Variants in PDSS2 observed in about 807,000 individuals in gnomAD.
The protein encoded by PDSS2 is decaprenyl diphosphate synthase subunit 2, also known as all trans-polyprenyl-diphosphate synthase PDSS2.
A neutral mutation model predicts 44.5 loss-of-function variants in PDSS2; 31 were observed. The observed-to-expected ratio is 0.70, with a 90% CI of 0.52 to 0.94. The LOEUF (loss-of-function observed/expected upper bound fraction) is 0.94, where lower values mean the gene tolerates loss of function less well. Among genes scored for constraint, PDSS2 ranks in the 40% least tolerant of loss-of-function variants. The pLI is 0.00. For missense variants in PDSS2, 452 were observed against 482.2 expected (o/e 0.94, Z 0.59); for synonymous variants, 157 against 180.3 (o/e 0.87, Z 1.03).
intron 6 of PDSS2, among the ~76,000 whole-genome samples, chr6:107,203,301 C>T (rs906548883): frequency 1.3e-5 from 2 of 152,202 alleles, no homozygotes; most frequent in Non-Finnish European, 2.9e-5. Flanking sequence ...TGCCACTCCC[C>T]AGTCCACACC....
At chr6:107,337,038 ACCACACACAC>A (rs1777922766) in intron 1 of PDSS2, among the ~76,000 whole-genome samples, 1 of 43,900 alleles carries the variant, frequency 2.3e-5, no homozygotes, top group Non-Finnish European at 5.8e-5. Flanking sequence ...CCTTTCACAT[ACCACACACAC>A]ACACACACAC....
intron 1 of PDSS2, among the ~76,000 whole-genome samples, chr6:107,350,786 G>C (rs965965356): frequency 2.0e-5 from 3 of 151,964 alleles, no homozygotes; most frequent in African/African-American, 7.2e-5. Flanking sequence ...CTCCAGCCTG[G>C]GTGAACAGAG....
chr6:107,297,192 C>A (rs1776536024), intron 2 of PDSS2, among the ~76,000 whole-genome samples: 1 of 152,132 alleles, frequency 6.6e-6, no homozygotes, highest in Non-Finnish European at 1.5e-5. Flanking sequence ...CCAGTGTTTC[C>A]CAGAAAGGCT....
At chr6:107,264,182 C>T (rs896549667) in intron 3 of PDSS2, 5 of 964,430 alleles carry the variant, frequency 5.2e-6, no homozygotes, top group Non-Finnish European at 6.6e-6. Context: ...AAGACAAACA[C>T]AAATAGACAA....
At chr6:107,355,969 C>T (rs1460159524) in intron 1 of PDSS2, among the ~76,000 whole-genome samples, 2 of 152,286 alleles carry the variant, frequency 1.3e-5, no homozygotes, top group Non-Finnish European at 2.9e-5. Context: ...CAAGTCACCA[C>T]TTTGATGTCT....
intron 2 of PDSS2, among the ~76,000 whole-genome samples, chr6:107,330,963 C>T (rs1777692526): frequency 6.6e-6 from 1 of 152,102 alleles, no homozygotes; most frequent in Non-Finnish European, 1.5e-5. Context: ...TTAGGCCAAA[C>T]AAAAGAGATC....
chr6:107,229,307 C>T (rs1428732446), intron 4 of PDSS2, among the ~76,000 whole-genome samples: 1 of 152,182 alleles, frequency 6.6e-6, no homozygotes, highest in Non-Finnish European at 1.5e-5. Flanking sequence ...CCGCCTCAGC[C>T]TCCAGAGTAG....
intron 4 of PDSS2, 47 bp downstream of exon 4, chr6:107,245,501 C>G (rs1774582958): frequency 2.1e-6 from 2 of 971,226 alleles, no homozygotes; most frequent in Non-Finnish European, 3.2e-6. Context: ...TCTAGTTGTA[C>G]CACGACGGTT....
intron 7 of PDSS2, among the ~76,000 whole-genome samples, chr6:107,170,619 C>CA: frequency 1.2e-5 from 1 of 82,816 alleles, no homozygotes. Flanking sequence ...CCCCCCCCCC[C>CA]ACTTTTTTTT....
chr6:107,279,387 G>GA, intron 2 of PDSS2, among the ~76,000 whole-genome samples: 1 of 152,216 alleles, frequency 6.6e-6, no homozygotes, highest in African/African-American at 2.4e-5. Flanking sequence ...ATGTTGCTAG[G>GA]AAAAAAGTAT....
chr6:107,169,787 A>G (rs1554248175), intron 7 of PDSS2, among the ~76,000 whole-genome samples: 1 of 152,190 alleles, frequency 6.6e-6, no homozygotes, highest in Non-Finnish European at 1.5e-5. Context: ...AGGTTGCAGA[A>G]CAGCGAATAT....
intron 3 of PDSS2, among the ~76,000 whole-genome samples, chr6:107,250,279 G>C (rs1017675968): frequency 2.9e-4 from 44 of 150,902 alleles, no homozygotes; most frequent in East Asian, 1.2e-3. Context: ...TAGTATGAAA[G>C]GTATTTTAAA....
At chr6:107,295,824 C>T (rs910908415) in intron 2 of PDSS2, among the ~76,000 whole-genome samples, 4 of 151,654 alleles carry the variant, frequency 2.6e-5, no homozygotes, top group African/African-American at 9.7e-5. Context: ...AGGGAGTGAC[C>T]CTAGAATAAT....
chr6:107,350,773 G>A (rs544608569), intron 1 of PDSS2, among the ~76,000 whole-genome samples: 16 of 152,034 alleles, frequency 1.1e-4, no homozygotes, highest in South Asian at 2.1e-4. Context: ...TCACACCACT[G>A]TGCTCCAGCC....
At chr6:107,176,375 A>G (rs1191763804) in intron 7 of PDSS2, among the ~76,000 whole-genome samples, 1 of 151,770 alleles carries the variant, frequency 6.6e-6, no homozygotes, top group Non-Finnish European at 1.5e-5. Context: ...GAATTCCCAA[A>G]TCATATTGAC....
chr6:107,446,458 T>C (rs1781686964), intron 1 of PDSS2, among the ~76,000 whole-genome samples: 1 of 152,218 alleles, frequency 6.6e-6, no homozygotes, highest in African/African-American at 2.4e-5. Flanking sequence ...TGATAGATTG[T>C]TAACTACAGA....
At chr6:107,372,128 T>C (rs1369605763) in intron 1 of PDSS2, among the ~76,000 whole-genome samples, 7 of 152,344 alleles carry the variant, frequency 4.6e-5, no homozygotes, top group African/African-American at 1.4e-4. Flanking sequence ...CCTGATGTTA[T>C]GGACTTCTAT....
chr6:107,444,638 C>A (rs1234688967), intron 1 of PDSS2, among the ~76,000 whole-genome samples: 1 of 152,152 alleles, frequency 6.6e-6, no homozygotes, highest in Non-Finnish European at 1.5e-5. Context: ...GGTTTTCAGT[C>A]AGTAATTACA....
At chr6:107,154,889 TTG>T in intron 7 of PDSS2, 112 bp from the exon 8 acceptor site, 1 of 936,116 alleles carries the variant, frequency 1.1e-6, no homozygotes, top group Non-Finnish European at 1.7e-6. Context: ...ATAGTATAGA[TTG>T]AGTATTTCTG....
Sources: gnomAD v4.1 joint callset for allele counts (sites outside exome capture counted in the v4.1 genomes callset) on GRCh38, gnomAD v4.1.1 for gene constraint, MANE v1.5 for transcripts, NCBI Gene and HGNC (gene_info 2026-07-23, HGNC 2026-07-21) for gene names.